The following DCC variants were observed in gnomAD, a reference collection of about 807,000 sequenced individuals.
DCC encodes netrin receptor DCC.
A neutral mutation model predicts 172.5 loss-of-function variants in DCC; 58 were observed. That is an observed-to-expected ratio of 0.34 (90% CI 0.27 to 0.42). DCC has a LOEUF of 0.42. Among genes scored for constraint, DCC ranks in the 10% least tolerant of loss-of-function variants. DCC has a pLI of 1.00. For missense variants in DCC, 1,740 were observed against 1,791.0 expected, an observed-to-expected ratio of 0.97 and a Z score of 0.51; for synonymous variants, 709 against 644.5, an observed-to-expected ratio of 1.10 and a Z score of -1.52.
At chr18:52,868,119 A>ATG (rs1322388391) in intron 2 of DCC, among the ~76,000 whole-genome samples, 2 of 150,802 alleles carry the variant, frequency 1.3e-5, no homozygotes, top group East Asian at 3.9e-4. Context: ...TTGTATATAT[A>ATG]TGTGTGTGTG....
At chr18:52,873,006 T>C (rs1026005364) in intron 2 of DCC, among the ~76,000 whole-genome samples, 1 of 152,068 alleles carries the variant, frequency 6.6e-6, no homozygotes, top group Non-Finnish European at 1.5e-5. Context: ...CCAGATAAAC[T>C]GTGTTAATCC....
At chr18:53,034,235 A>G (rs1176625851) in intron 5 of DCC, among the ~76,000 whole-genome samples, 1 of 152,058 alleles carries the variant, frequency 6.6e-6, no homozygotes, top group African/African-American at 2.4e-5. Context: ...TAGATATCTC[A>G]TGTATAACAT....
At chr18:52,765,765 G>A (rs2037239716) in intron 2 of DCC, among the ~76,000 whole-genome samples, 2 of 152,178 alleles carry the variant, frequency 1.3e-5, no homozygotes, top group Non-Finnish European at 2.9e-5. Flanking sequence ...GTAACACGGT[G>A]GTTAGGGACA....
intron 1 of DCC, among the ~76,000 whole-genome samples, chr18:52,624,340 T>A (rs2034533476): frequency 6.6e-6 from 1 of 152,226 alleles, no homozygotes; most frequent in Non-Finnish European, 1.5e-5. Context: ...TAGTACCTTT[T>A]TGTTACATAG....
Position 53,172,652 on chromosome 18 carries a change from C to T in DCC, c.1419-6310C>T, listed in dbSNP as rs538069778. 7.9e-5 allele frequency among the ~76,000 whole-genome samples: 12 copies of T among 152,020 alleles called. No homozygotes were observed. In the East Asian group the frequency reaches 2.3e-3, roughly 29 times the overall value. ...GATAGGCAAATATGGCCTTTGATAA[C>T]AATGTTGCTTGAAGGTCTAGAAAAG... is the stretch of plus-strand genomic sequence containing the variant. On this transcript the variant is annotated intron_variant, in intron 8 of 28. Coordinates refer to ENST00000442544, the MANE Select transcript of DCC (RefSeq NM_005215.4).
chr18:52,426,651 A>T (rs1248971795), intron 1 of DCC, among the ~76,000 whole-genome samples: 1 of 105,772 alleles, frequency 9.5e-6, no homozygotes, highest in Admixed American at 1.2e-4. Context: ...CTGAGAAGAG[A>T]ATTAATTCTG....
intron 7 of DCC, among the ~76,000 whole-genome samples, chr18:53,067,432 C>A (rs1057475057): frequency 6.6e-6 from 1 of 152,038 alleles, no homozygotes; most frequent in Non-Finnish European, 1.5e-5. Flanking sequence ...TGAAGCAGAA[C>A]AATCGTTTGA....
intron 5 of DCC, among the ~76,000 whole-genome samples, chr18:52,930,745 T>C (rs545436997): frequency 3.8e-4 from 58 of 152,306 alleles, no homozygotes; most frequent in Non-Finnish European, 6.6e-4. Flanking sequence ...TTTATCCTTA[T>C]TTTATTGATT....
intron 9 of DCC, among the ~76,000 whole-genome samples, chr18:53,200,083 A>G (rs367687936): frequency 6.6e-6 from 1 of 152,180 alleles, no homozygotes; most frequent in East Asian, 1.9e-4. Flanking sequence ...CTTAAAGTAA[A>G]TGATCCAGAA....
intron 7 of DCC, among the ~76,000 whole-genome samples, chr18:53,093,852 C>A (rs914541423): frequency 2.0e-5 from 3 of 152,154 alleles, no homozygotes; most frequent in African/African-American, 4.8e-5. Flanking sequence ...AACGCCTGAC[C>A]TTGCTCTACT....
chr18:52,982,947 T>A (rs2041234453), intron 5 of DCC, among the ~76,000 whole-genome samples: 1 of 152,178 alleles, frequency 6.6e-6, no homozygotes, highest in East Asian at 1.9e-4. Flanking sequence ...TAATGTCAAC[T>A]CTCCAGTTAA....
chr18:53,046,114 G>T (rs947151226), intron 5 of DCC, among the ~76,000 whole-genome samples: 1 of 151,840 alleles, frequency 6.6e-6, no homozygotes, highest in Admixed American at 6.6e-5. Context: ...GGAATGAAAA[G>T]ACAAATAGAG....
At chr18:53,208,105 GTT>G (rs141875005) in intron 11 of DCC, among the ~76,000 whole-genome samples, 48 of 127,050 alleles carry the variant, frequency 3.8e-4, no homozygotes, top group Admixed American at 4.9e-4. Context: ...CTCTGTAAAT[GTT>G]TTTTTTTTTT....
At chr18:53,122,806 A>G (rs577014381) in intron 7 of DCC, among the ~76,000 whole-genome samples, 2 of 152,144 alleles carry the variant, frequency 1.3e-5, no homozygotes, top group South Asian at 2.1e-4. Context: ...TGAAAGCCCT[A>G]TTTTGGGTAT....
chr18:52,421,772 T>C (rs1987257762), intron 1 of DCC, among the ~76,000 whole-genome samples: 3 of 152,188 alleles, frequency 2.0e-5, no homozygotes, highest in African/African-American at 7.2e-5. Flanking sequence ...ACCAACAGAA[T>C]GGTAAATGTT....
At chr18:52,799,284 T>C (rs2037937787) in intron 2 of DCC, among the ~76,000 whole-genome samples, 1 of 152,238 alleles carries the variant, frequency 6.6e-6, no homozygotes, top group Non-Finnish European at 1.5e-5. Context: ...TGCTTCAGAT[T>C]GCTATAGTTT....
chr18:52,888,011 C>A (rs1282569961), intron 2 of DCC, among the ~76,000 whole-genome samples: 5 of 152,132 alleles, frequency 3.3e-5, no homozygotes, highest in African/African-American at 2.4e-5. Flanking sequence ...GTAAAATTAG[C>A]CTTTATCACT....
In DCC at chr18:53,416,158, TATGGTGGCTCAATCTGTC is replaced by T. The variant is rs775457883; in HGVS notation, c.3163+5_3163+22del. ...CTGACAAAATGGCTAATGACCAAGG[TATGGTGGCTCAATCTGTC>T]ATTTTGTGTTCCTTGAATCAATCCT... On this transcript the variant is annotated splice_donor_5th_base_variant and intron_variant, in intron 21 of 28. Coordinates refer to ENST00000442544, the MANE Select transcript of DCC (RefSeq NM_005215.4). The T allele has an allele frequency of 6.2e-7, 1 of 1,604,638 alleles. No individual in the cohort carries two copies. Among genetic ancestry groups the T allele is most frequent in the African/African-American group, 1.3e-5 (1 of 74,800 alleles).
At chr18:53,326,840 C>A (rs1555652769) in intron 14 of DCC, among the ~76,000 whole-genome samples, 1 of 152,062 alleles carries the variant, frequency 6.6e-6, no homozygotes, top group African/African-American at 2.4e-5. Context: ...CATTTTAAAC[C>A]ACATGAAATG....
Sources: gnomAD v4.1 joint callset for allele counts (sites outside exome capture counted in the v4.1 genomes callset) on GRCh38, gnomAD v4.1.1 for gene constraint, MANE v1.5 for transcripts, NCBI Gene and HGNC (gene_info 2026-07-23, HGNC 2026-07-21) for gene names.